ZPBP: variants seen among roughly 807,000 people sequenced by gnomAD.
ZPBP encodes the protein zona pellucida-binding protein 1.
ZPBP carries 26 observed loss-of-function variants against 44.8 expected under a neutral mutation model. That is an observed-to-expected ratio of 0.58 (90% CI 0.43 to 0.81). The LOEUF is 0.81. Among genes scored for constraint, ZPBP ranks in the 30% least tolerant of loss-of-function variants. The pLI is 0.00. For missense variants in ZPBP, 409 were observed against 434.0 expected, an observed-to-expected ratio of 0.94 and a Z score of 0.51; for synonymous variants, 174 against 153.2, an observed-to-expected ratio of 1.14 and a Z score of -1.00.
chr7:49,871,896 T>C (rs1791164744), intron 2 of ZPBP, among the ~76,000 whole-genome samples: 1 of 140,538 alleles, frequency 7.1e-6, no homozygotes, highest in African/African-American at 2.7e-5. Context: ...TGTATGTATA[T>C]GTGTGTATAT....
chr7:50,070,224 C>A (rs961930679), intron 3 of ZPBP, among the ~76,000 whole-genome samples: 1 of 152,180 alleles, frequency 6.6e-6, no homozygotes, highest in Non-Finnish European at 1.5e-5. Context: ...TTAGTGGGGA[C>A]ACAAGGTTCA....
intron 7 of ZPBP, among the ~76,000 whole-genome samples, chr7:49,974,436 G>A (rs1342587446): frequency 6.6e-6 from 1 of 151,726 alleles, no homozygotes; most frequent in African/African-American, 2.4e-5. Flanking sequence ...AAATAATGAG[G>A]GTATATTGCA....
chr7:49,982,846 G>C (rs537005392), intron 7 of ZPBP, among the ~76,000 whole-genome samples: 1 of 151,986 alleles, frequency 6.6e-6, no homozygotes, highest in East Asian at 1.9e-4. Flanking sequence ...CTCTTCTATA[G>C]TAAAGATGAA....
At chr7:49,981,408 A>ATTT (rs1236829958) in intron 7 of ZPBP, among the ~76,000 whole-genome samples, 29 of 39,640 alleles carry the variant, frequency 7.3e-4, no homozygotes, top group South Asian at 4.0e-3. Context: ...TATATAAAAT[A>ATTT]TATATAATAT....
chr7:50,018,294 T>C lies in ZPBP; in HGVS notation c.729A>G (p.Lys243=). ...TATGGTCTGTACATCGCTTGGGTCCTTTTTCAGTGTCTAGAGATGAAACTG... is the reference window on the plus strand; with the variant it reads ...TATGGTCTGTACATCGCTTGGGTCCCTTTTCAGTGTCTAGAGATGAAACTG... ...AFSVSSLDTE[K]GPKRCTDHNC... is the part of the protein sequence containing the mutation. Residue 243 remains lysine (K), a synonymous_variant, in exon 6 of 8, where the codon AAA becomes AAG. Transcript: ENST00000046087. 6.2e-7 allele frequency: 1 copy of C among 1,606,168 alleles called. No homozygotes were observed. The highest frequency in any genetic ancestry group is 8.5e-7 in the Non-Finnish European group (1 of 1,175,326).
At chr7:50,069,412 G>C (rs1402495674) in intron 3 of ZPBP, among the ~76,000 whole-genome samples, 1 of 152,084 alleles carries the variant, frequency 6.6e-6, no homozygotes, top group Non-Finnish European at 1.5e-5. Context: ...CTTGGCGTGA[G>C]CTGCAAGCAT....
At chr7:50,060,341 A>G (rs929800013) in intron 3 of ZPBP, among the ~76,000 whole-genome samples, 10 of 152,184 alleles carry the variant, frequency 6.6e-5, no homozygotes, top group African/African-American at 2.4e-4. Context: ...TGGTGACACA[A>G]AAAAACATAC....
intron 7 of ZPBP, among the ~76,000 whole-genome samples, chr7:49,971,017 C>T (rs1780375628): frequency 6.6e-6 from 1 of 152,008 alleles, no homozygotes; most frequent in Non-Finnish European, 1.5e-5. Context: ...GTAGTCCAGC[C>T]TCACTGACAA....
At chr7:49,883,175 G>T (rs920218348) in intron 2 of ZPBP, among the ~76,000 whole-genome samples, 1 of 152,038 alleles carries the variant, frequency 6.6e-6, no homozygotes. Context: ...ATGCAGGTTT[G>T]AGCTTGAGGA....
At chr7:49,881,518 C>G (rs4916997) in intron 2 of ZPBP, among the ~76,000 whole-genome samples, 112,596 of 152,082 alleles carry the variant, frequency 0.74, 41,909 homozygotes, top group East Asian at 0.88. Context: ...TGTGGCCTTA[C>G]TTATTTGGGT....
In ZPBP at chr7:49,983,298, A is replaced by C. The variant is rs766199167; in HGVS notation, c.961+44T>G. ...CACTTAGGCTTAATGAAAACACATA[A>C]ATTTTCAACAATATAAAACATGAAA... On this transcript the variant is annotated intron_variant, in intron 7 of 7. Coordinates refer to ENST00000046087, the MANE Select transcript of ZPBP (RefSeq NM_007009.3). 3.2e-6 allele frequency: 5 copies of C among 1,581,930 alleles called. No homozygotes were observed. In the East Asian group the frequency reaches 1.1e-4, roughly 35 times the overall value.
At chr7:49,964,216 C>A (rs1371073819) in intron 7 of ZPBP, among the ~76,000 whole-genome samples, 1 of 151,764 alleles carries the variant, frequency 6.6e-6, no homozygotes, top group African/African-American at 2.4e-5. Context: ...TGAATGATTT[C>A]TTTCTAAAAT....
At chr7:50,041,727 C>T (rs1410460831) in intron 4 of ZPBP, among the ~76,000 whole-genome samples, 1 of 152,124 alleles carries the variant, frequency 6.6e-6, no homozygotes, top group Non-Finnish European at 1.5e-5. Flanking sequence ...AAAACCAGTG[C>T]AAAAAGGCTG....
intron 7 of ZPBP, among the ~76,000 whole-genome samples, chr7:49,966,991 T>C (rs1417298196): frequency 6.6e-6 from 1 of 152,050 alleles, no homozygotes; most frequent in Non-Finnish European, 1.5e-5. Flanking sequence ...ATTTCCAAAA[T>C]TCTACAAGCA....
intron 3 of ZPBP, among the ~76,000 whole-genome samples, chr7:50,066,880 C>T (rs1020096587): frequency 2.6e-5 from 4 of 152,068 alleles, no homozygotes; most frequent in Admixed American, 6.5e-5. Flanking sequence ...CTATTCGGGT[C>T]GGGCGATCTG....
At chr7:49,935,275 C>G (rs1012634364), downstream of ZPBP, among the ~76,000 whole-genome samples, 2 of 152,112 alleles carry the variant, frequency 1.3e-5, no homozygotes, top group African/African-American at 4.8e-5. Context: ...ACATAATCAA[C>G]TAAAATAAAT....
At chr7:49,968,384 C>T (rs1031584378) in intron 7 of ZPBP, among the ~76,000 whole-genome samples, 1 of 151,990 alleles carries the variant, frequency 6.6e-6, no homozygotes, top group African/African-American at 2.4e-5. Flanking sequence ...AAAGCACTGA[C>T]ATGTATTTTG....
chr7:50,006,554 A>G (rs536718359), intron 6 of ZPBP, among the ~76,000 whole-genome samples: 2 of 152,084 alleles, frequency 1.3e-5, no homozygotes, highest in Non-Finnish European at 2.9e-5. Context: ...TATGGGATTC[A>G]GTTAAAGCAG....
chr7:49,858,610 C>T (rs62456373), intron 2 of ZPBP, among the ~76,000 whole-genome samples: 28,302 of 150,360 alleles, frequency 0.19, 3,665 homozygotes, highest in East Asian at 0.63. Flanking sequence ...TGTTAAATGA[C>T]GAGTTAATGG....
Sources: allele counts gnomAD v4.1 joint callset (sites outside exome capture counted in the v4.1 genomes callset), GRCh38; gene constraint gnomAD v4.1.1; transcripts MANE v1.5; gene names NCBI Gene and HGNC (gene_info 2026-07-23, HGNC 2026-07-21).